AMPH: variants seen among roughly 807,000 people sequenced by gnomAD.
The protein encoded by AMPH is amphiphysin (Stiff-Mann syndrome with breast cancer 128kD autoantigen).
A neutral mutation model predicts 99.1 loss-of-function variants in AMPH; 49 were observed. The ratio of observed to expected loss-of-function variants is 0.49; its 90% CI spans 0.39 to 0.63. AMPH has a LOEUF of 0.63. Ranked by LOEUF, AMPH falls within the 20% of genes least tolerant of loss-of-function variation. The pLI is 0.00. For synonymous variants in AMPH, 314 were observed against 317.3 expected, an observed-to-expected ratio of 0.99 and a Z score of 0.11; for missense variants, 759 against 863.4, an observed-to-expected ratio of 0.88 and a Z score of 1.52.
chr7:38,435,359 C>T (rs1442599029), intron 12 of AMPH, among the ~76,000 whole-genome samples: 1 of 152,078 alleles, frequency 6.6e-6, no homozygotes, highest in African/African-American at 2.4e-5. Context: ...TGTGATATAC[C>T]AAGAAGGCTT....
chr7:38,527,837 T>C (rs1196005008), intron 2 of AMPH, among the ~76,000 whole-genome samples: 10 of 152,212 alleles, frequency 6.6e-5, no homozygotes, highest in Non-Finnish European at 1.5e-4. Flanking sequence ...AGAAAAGCAT[T>C]CAGTCTGTTA....
intron 2 of AMPH, among the ~76,000 whole-genome samples, chr7:38,520,213 A>G (rs1789903007): frequency 6.6e-6 from 1 of 152,186 alleles, no homozygotes; most frequent in African/African-American, 2.4e-5. Context: ...CTTATCAAAA[A>G]AAATGTATTC....
At chr7:38,568,186 T>C (rs1464723571) in intron 1 of AMPH, among the ~76,000 whole-genome samples, 1 of 152,212 alleles carries the variant, frequency 6.6e-6, no homozygotes, top group Non-Finnish European at 1.5e-5. Flanking sequence ...GTACACCATT[T>C]ACATAATGTA....
chr7:38,467,589 A>G (rs766163346), intron 7 of AMPH, among the ~76,000 whole-genome samples: 44 of 152,208 alleles, frequency 2.9e-4, no homozygotes, highest in Non-Finnish European at 5.3e-4. Context: ...CGTACAATCC[A>G]GTTAGAGAAG....
At chr7:38,577,945 C>A (rs897522114) in intron 1 of AMPH, among the ~76,000 whole-genome samples, 29 of 152,128 alleles carry the variant, frequency 1.9e-4, no homozygotes, top group Non-Finnish European at 3.7e-4. Flanking sequence ...TTAGCAAATA[C>A]CAAGGGCTTA....
rs1784503343 is a variant in AMPH at position 38,391,819 on chromosome 7, T to C, written c.1807A>G (p.Met603Val). The C allele has an allele frequency of 6.2e-7, 1 of 1,613,780 alleles. No homozygotes were observed. ...GATGCTAGCTGGTCAGCAGCCCCCA[T>C]GGCTGGTGCAGAAGGCGTGGGCTGA... ...DPQPTPSAPA[M>V]GAADQLASAR... Residue 603 changes from methionine to valine, a missense_variant, in exon 19 of 21, where the codon ATG becomes GTG. Transcript: ENST00000356264.
chr7:38,471,649 G>T (rs930321422), intron 7 of AMPH, among the ~76,000 whole-genome samples: 11 of 152,104 alleles, frequency 7.2e-5, no homozygotes, highest in Admixed American at 7.2e-4. Flanking sequence ...AAAGGTAAAT[G>T]GACTGAGCAC....
At chr7:38,479,070 A>T (rs555041811) in intron 5 of AMPH, among the ~76,000 whole-genome samples, 3 of 152,092 alleles carry the variant, frequency 2.0e-5, no homozygotes, top group Non-Finnish European at 4.4e-5. Context: ...ATGGCTGAAA[A>T]TTTTTTTTAA....
chr7:38,495,418 A>G (rs1395899681), intron 3 of AMPH, among the ~76,000 whole-genome samples: 1 of 152,188 alleles, frequency 6.6e-6, no homozygotes, highest in Non-Finnish European at 1.5e-5. Flanking sequence ...CTAGAGGCTC[A>G]GAGCACAAGA....
intron 11 of AMPH, among the ~76,000 whole-genome samples, chr7:38,446,391 T>C (rs534275986): frequency 6.6e-6 from 1 of 152,312 alleles, no homozygotes; most frequent in East Asian, 1.9e-4. Flanking sequence ...TTTATAATAG[T>C]CAAAAATTGG....
intron 1 of AMPH, among the ~76,000 whole-genome samples, chr7:38,564,706 T>C (rs1232172354): frequency 6.6e-6 from 1 of 152,226 alleles, no homozygotes; most frequent in Non-Finnish European, 1.5e-5. Flanking sequence ...TCCTTCCCAA[T>C]ACTTAATATA....
rs1481528083 is a variant in AMPH at position 38,525,277 on chromosome 7, T to TATATATATAGAG, written c.150+9653_150+9654insCTCTATATATAT. Among the ~76,000 whole-genome samples, 316 of 86,616 alleles carry TATATATATAGAG rather than the reference T, an allele frequency of 3.6e-3. 2 individuals carry two copies. Among genetic ancestry groups the TATATATATAGAG allele is most frequent in the African/African-American group, 7.3e-3 (153 of 21,086 alleles). The allele number at this position is 86,616 out of a possible 152,430, so 56.8% of individuals were successfully genotyped here. On this transcript the variant is annotated intron_variant, in intron 2 of 20. Transcript: ENST00000356264. ...GTGTGTGTATATATATATATATATA[T>TATATATATAGAG]AGAGAGAGAGAGAGAGAGAGAGAGA...
At chr7:38,550,629 G>A (rs1390190508) in intron 1 of AMPH, among the ~76,000 whole-genome samples, 1 of 152,150 alleles carries the variant, frequency 6.6e-6, no homozygotes, top group African/African-American at 2.4e-5. Flanking sequence ...TGGGCTTCCA[G>A]TGTAACCATC....
chr7:38,511,800 T>A (rs1446034162), intron 2 of AMPH, among the ~76,000 whole-genome samples: 1 of 152,210 alleles, frequency 6.6e-6, no homozygotes, highest in Non-Finnish European at 1.5e-5. Context: ...CTTGGAAATT[T>A]GGAAATTGTT....
intron 14 of AMPH, chr7:38,428,457 T>C (rs769800018): frequency 1.8e-5 from 8 of 456,638 alleles, no homozygotes; most frequent in Non-Finnish European, 3.5e-5. Context: ...TACTTCAAGT[T>C]TTATTGATAA....
chr7:38,614,440 G>A (rs1793799743), intron 1 of AMPH, among the ~76,000 whole-genome samples: 1 of 151,992 alleles, frequency 6.6e-6, no homozygotes, highest in African/African-American at 2.4e-5. Context: ...CAGAATTCTT[G>A]GCATATGGAA....
intron 9 of AMPH, among the ~76,000 whole-genome samples, chr7:38,464,608 G>C (rs1205803935): frequency 6.6e-6 from 1 of 152,052 alleles, no homozygotes; most frequent in Non-Finnish European, 1.5e-5. Flanking sequence ...GGCAAATATA[G>C]AATGTCAGGA....
chr7:38,386,203 TTTAAAA>T (rs1409367257), intron 20 of AMPH, among the ~76,000 whole-genome samples: 3 of 152,196 alleles, frequency 2.0e-5, no homozygotes, highest in African/African-American at 7.2e-5. Context: ...AAGTGCCCTC[TTTAAAA>T]TTATGATGTC....
At chr7:38,387,218 G>T (rs916651487) in intron 20 of AMPH, among the ~76,000 whole-genome samples, 6 of 152,152 alleles carry the variant, frequency 3.9e-5, no homozygotes, top group Admixed American at 6.5e-5. Context: ...TACCTACTAT[G>T]TCTAGTATCA....
Sources: allele counts gnomAD v4.1 joint callset (sites outside exome capture counted in the v4.1 genomes callset), GRCh38; gene constraint gnomAD v4.1.1; transcripts MANE v1.5; gene names NCBI Gene and HGNC (gene_info 2026-07-23, HGNC 2026-07-21).